The following GYPE variants were observed in gnomAD, a reference collection of about 807,000 sequenced individuals.
GYPE encodes glycophorin E (MNS blood group).
GYPE carries 8 observed loss-of-function variants against 11.6 expected under a neutral mutation model. The ratio of observed to expected loss-of-function variants is 0.69; its 90% CI spans 0.41 to 1.25. The LOEUF (loss-of-function observed/expected upper bound fraction) is 1.25. Among genes scored for constraint, GYPE ranks in the 50% most tolerant of loss-of-function variants. GYPE has a pLI of 0.01. For synonymous variants in GYPE, 28 were observed against 29.6 expected (o/e 0.94, Z 0.18); for missense variants, 90 against 92.8 (o/e 0.97, Z 0.12).
intron 1 of GYPE, among the ~76,000 whole-genome samples, chr4:143,891,571 A>T (rs1371658747): frequency 6.6e-6 from 1 of 151,606 alleles, no homozygotes; most frequent in Non-Finnish European, 1.5e-5. Flanking sequence ...CTCATGATCC[A>T]CCCGCCTCAG....
intron 2 of GYPE, among the ~76,000 whole-genome samples, chr4:143,877,997 A>G (rs539705294): frequency 6.7e-6 from 1 of 149,768 alleles, no homozygotes; most frequent in East Asian, 2.0e-4. Flanking sequence ...AGGGAACTTC[A>G]CTTGTTTTAT....
At chr4:143,900,636 G>T (rs538572116) in intron 1 of GYPE, among the ~76,000 whole-genome samples, 1 of 150,946 alleles carries the variant, frequency 6.6e-6, no homozygotes, top group Admixed American at 6.6e-5. Flanking sequence ...CCAACACAAT[G>T]GAATAACATT....
chr4:143,872,896 C>T (rs182185455), intron 3 of GYPE, among the ~76,000 whole-genome samples: 4 of 152,122 alleles, frequency 2.6e-5, no homozygotes, highest in Non-Finnish European at 4.4e-5. Context: ...AGGGGGCAGG[C>T]CAGGTGAGCT....
chr4:143,898,307 G>T (rs1285945064), intron 1 of GYPE, among the ~76,000 whole-genome samples: 3 of 152,134 alleles, frequency 2.0e-5, no homozygotes, highest in Non-Finnish European at 2.9e-5. Flanking sequence ...AACCTGGGAG[G>T]CAGAGGTTGC....
intron 1 of GYPE, among the ~76,000 whole-genome samples, chr4:143,904,885 A>G (rs1469404564): frequency 1.3e-5 from 2 of 152,150 alleles, no homozygotes; most frequent in Non-Finnish European, 2.9e-5. Flanking sequence ...TAATGACCCT[A>G]TGATATTTAT....
In GYPE at chr4:143,871,511, C is replaced by G. The variant is rs1310386506; in HGVS notation, c.*751G>C. On this transcript the variant is annotated 3_prime_UTR_variant, in exon 4 of 4. Transcript: ENST00000358615. ...GTTAGGCTTTACACAATGTGACCCT[C>G]TAGTCTGTACAAGGAGAGGAATGCA... 2 of 152,146 alleles carry G rather than the reference C, an allele frequency of 1.3e-5. No individual in the cohort carries two copies. The highest frequency in any genetic ancestry group is 2.4e-5 in the African/African-American group (1 of 41,430). The allele number at this position is 152,146 out of a possible 1,614,324, so 9.4% of individuals were successfully genotyped here. A position where few individuals can be genotyped will look rare whatever the true frequency, so the allele number is the denominator to read the frequency against.
intron 1 of GYPE, among the ~76,000 whole-genome samples, chr4:143,896,156 T>C (rs1237419715): frequency 1.3e-5 from 2 of 151,928 alleles, no homozygotes; most frequent in Non-Finnish European, 2.9e-5. Context: ...AATTGACAAA[T>C]GGGATCTAAT....
Position 143,902,340 on chromosome 4 carries a change from G to GA in GYPE, c.37+3130dup, listed in dbSNP as rs201093353. On this transcript the variant is annotated intron_variant, in intron 1 of 3. Transcript: ENST00000358615. ...AGCAAGGCTCTCTTCTTGGATCCCT[G>GA]AAAAAAAAAAAAAAAAAAGAGATGC... Among the ~76,000 whole-genome samples the GA allele has an allele frequency of 3.4e-3, 455 of 133,696 alleles. 4 individuals carry two copies. The highest frequency in any genetic ancestry group is 0.012 in the African/African-American group (430 of 35,840). The allele number at this position is 133,696 out of a possible 152,430, so 87.7% of individuals were successfully genotyped here.
rs1190662138 is a variant in GYPE at position 143,872,015 on chromosome 4, A to T, written c.*247T>A. On this transcript the variant is annotated 3_prime_UTR_variant, in exon 4 of 4. Transcript: ENST00000358615. ...ATGGGATAAGGATTTCGTGATGAGAATCGGGCAGAACTGGAGTTTAATCCT... is the reference window on the plus strand; with the variant it reads ...ATGGGATAAGGATTTCGTGATGAGATTCGGGCAGAACTGGAGTTTAATCCT... 6.6e-6 allele frequency: 1 copy of T among 152,226 alleles called. No individual in the cohort carries two copies. Among genetic ancestry groups the T allele is most frequent in the Non-Finnish European group, 1.5e-5 (1 of 68,018 alleles). The allele number at this position is 152,226 out of a possible 1,614,324, so 9.4% of individuals were successfully genotyped here. A position where few individuals can be genotyped will look rare whatever the true frequency, so the allele number is the denominator to read the frequency against.
intron 1 of GYPE, among the ~76,000 whole-genome samples, chr4:143,894,786 C>T (rs1339907800): frequency 6.6e-6 from 1 of 152,044 alleles, no homozygotes; most frequent in African/African-American, 2.4e-5. Context: ...TCCAGCAGCA[C>T]ATCAAAAAGC....
intron 1 of GYPE, among the ~76,000 whole-genome samples, chr4:143,885,538 A>T (rs2323426): frequency 7.9e-5 from 12 of 151,608 alleles, no homozygotes; most frequent in South Asian, 4.1e-4. Context: ...GTACTCAAGT[A>T]TACAAAGCTG....
intron 1 of GYPE, among the ~76,000 whole-genome samples, chr4:143,904,428 A>C (rs566690606): frequency 6.6e-6 from 1 of 152,300 alleles, no homozygotes; most frequent in Non-Finnish European, 1.5e-5. Context: ...AAATGTGGGC[A>C]CATAATTTGC....
intron 3 of GYPE, 33 bp downstream of exon 3, chr4:143,876,713 T>C: frequency 9.3e-7 from 1 of 1,080,252 alleles, no homozygotes; most frequent in Non-Finnish European, 1.4e-6. Context: ...TTCACACTGG[T>C]ATTTAGAGCA....
intron 1 of GYPE, among the ~76,000 whole-genome samples, chr4:143,895,860 A>G (rs1744609027): frequency 6.6e-6 from 1 of 152,132 alleles, no homozygotes; most frequent in Non-Finnish European, 1.5e-5. Flanking sequence ...CCGCACATCT[A>G]CAACTCTCTG....
rs1441664562 is a variant in GYPE at position 143,880,524 on chromosome 4, A to C, written c.38-15T>G. On this transcript the variant is annotated splice_polypyrimidine_tract_variant and intron_variant, in intron 1 of 3. Coordinates refer to ENST00000358615, the MANE Select transcript of GYPE (RefSeq NM_198682.3). ...GCTCACAATTCCTGTATAAAATAGA[A>C]GTTGAGAAAGGGATTAAGAACGAGG... is the stretch of plus-strand genomic sequence containing the variant. 1.2e-6 allele frequency: 2 copies of C among 1,613,854 alleles called. No individual in the cohort carries two copies. Among genetic ancestry groups the C allele is most frequent in the African/African-American group, 1.3e-5 (1 of 75,068 alleles).
intron 1 of GYPE, among the ~76,000 whole-genome samples, chr4:143,897,709 T>A (rs1461542407): frequency 6.6e-6 from 1 of 152,114 alleles, no homozygotes; most frequent in South Asian, 2.1e-4. Flanking sequence ...ATGAAATACC[T>A]GAAATGCACT....
intron 1 of GYPE, among the ~76,000 whole-genome samples, chr4:143,899,752 G>A (rs149209250): frequency 3.7e-3 from 473 of 129,276 alleles, no homozygotes; most frequent in Middle Eastern, 0.011. Flanking sequence ...TGCTGGGACA[G>A]CTGCAAAATA....
intron 1 of GYPE, among the ~76,000 whole-genome samples, chr4:143,891,402 G>C (rs4835066): frequency 0.93 from 134,837 of 145,126 alleles, 63,537 homozygotes; most frequent in East Asian, 1. Context: ...GATCTCGGCT[G>C]ACTGCAAGCT....
At chr4:143,896,015 A>C (rs977099802) in intron 1 of GYPE, among the ~76,000 whole-genome samples, 26 of 152,186 alleles carry the variant, frequency 1.7e-4, no homozygotes, top group African/African-American at 6.0e-4. Context: ...TTCAAGATGG[A>C]TTAAAGACTT....
Sources: allele counts gnomAD v4.1 joint callset (sites outside exome capture counted in the v4.1 genomes callset), GRCh38; gene constraint gnomAD v4.1.1; transcripts MANE v1.5; gene names NCBI Gene and HGNC (gene_info 2026-07-23, HGNC 2026-07-21).